COL14A1: variants seen among roughly 807,000 people sequenced by gnomAD.
COL14A1 encodes collagen type XIV alpha 1 chain.
A neutral mutation model predicts 230.3 loss-of-function variants in COL14A1; 136 were observed. The observed-to-expected ratio is 0.59, with a 90% CI of 0.51 to 0.68. The LOEUF is 0.68. Among genes scored for constraint, COL14A1 ranks in the 30% least tolerant of loss-of-function variants. The pLI is 0.00. For synonymous variants in COL14A1, 792 were observed against 784.1 expected, an observed-to-expected ratio of 1.01 and a Z score of -0.17; for missense variants, 1,976 against 2,215.8, an observed-to-expected ratio of 0.89 and a Z score of 2.17.
intron 19 of COL14A1, chr8:120,231,899 A>G: frequency 6.5e-6 from 2 of 306,474 alleles, no homozygotes; most frequent in Non-Finnish European, 1.2e-5. Context: ...TCGAGCACCA[A>G]AGTTGGGTCA....
At chr8:120,345,687 C>A in intron 45 of COL14A1, 124 bp downstream of exon 45, 1 of 850,184 alleles carries the variant, frequency 1.2e-6, no homozygotes, top group South Asian at 3.5e-5. Flanking sequence ...TCTGCCCCAT[C>A]TATTCTTCAG....
Position 120,284,878 on chromosome 8 carries a change from A to G in COL14A1, c.3968-983A>G, listed in dbSNP as rs145061247. Among the ~76,000 whole-genome samples the G allele has an allele frequency of 7.2e-3, 1,089 of 152,232 alleles. 14 individuals carry two copies. The highest frequency in any genetic ancestry group is 0.024 in the African/African-American group (1,004 of 41,530). On this transcript the variant is annotated intron_variant, in intron 32 of 47. Coordinates refer to ENST00000297848, the MANE Select transcript of COL14A1 (RefSeq NM_021110.4). Reference sequence around the variant, plus strand: ...TGAATAATATGAATTATTCTCTCACAAGGTTAGTAATGCTTTGTATGCATA... The same window carrying G: ...TGAATAATATGAATTATTCTCTCACGAGGTTAGTAATGCTTTGTATGCATA...
chr8:120,371,242 A>T lies in COL14A1; in HGVS notation c.*11A>T, dbSNP rs1223297382. On this transcript the variant is annotated 3_prime_UTR_variant, in exon 48 of 48. Coordinates refer to ENST00000297848, the MANE Select transcript of COL14A1 (RefSeq NM_021110.4). ...GGCCCTGGAGTCTGATAGCCTCAGG[A>T]GAAATTTGAAGACCAACTGCAAGAA... 1.3e-6 allele frequency: 2 copies of T among 1,597,018 alleles called. No individual in the cohort carries two copies. The highest frequency in any genetic ancestry group is 1.7e-6 in the Non-Finnish European group (2 of 1,169,656).
chr8:120,303,806 A>G (rs1820784609), intron 36 of COL14A1, among the ~76,000 whole-genome samples: 1 of 152,186 alleles, frequency 6.6e-6, no homozygotes, highest in African/African-American at 2.4e-5. Context: ...TAGTTTCAAA[A>G]GGAATGTTAC....
intron 23 of COL14A1, among the ~76,000 whole-genome samples, chr8:120,259,388 C>T (rs986505069): frequency 6.6e-6 from 1 of 152,090 alleles, no homozygotes; most frequent in Non-Finnish European, 1.5e-5. Context: ...CAAATAAAGA[C>T]AGATTTTTTC....
chr8:120,279,106 C>T lies in COL14A1; in HGVS notation c.3481+528C>T, dbSNP rs189088690. Among the ~76,000 whole-genome samples, 373 of 144,142 alleles carry T rather than the reference C, an allele frequency of 2.6e-3. 2 individuals carry two copies. The highest frequency in any genetic ancestry group is 9.1e-3 in the African/African-American group (351 of 38,624). The allele number at this position is 144,142 out of a possible 152,430, so 94.6% of individuals were successfully genotyped here. A position where few individuals can be genotyped will look rare whatever the true frequency, so the allele number is the denominator to read the frequency against. The stretch of plus-strand genomic sequence containing the variant: ...ATAAGTGGGAGCTGAACAATGAGAA[C>T]ACATGGACACAGGGAGGGGAACATC... On this transcript the variant is annotated intron_variant, in intron 28 of 47. Coordinates refer to ENST00000297848, the MANE Select transcript of COL14A1 (RefSeq NM_021110.4).
chr8:120,166,910 GTGTGTGTGTGTGGTGGTGATGA>G (rs1376879287), intron 4 of COL14A1, among the ~76,000 whole-genome samples: 5 of 149,656 alleles, frequency 3.3e-5, no homozygotes, highest in African/African-American at 1.3e-4. Flanking sequence ...GTGTGTGTGT[GTGTGTGTGTGTGGTGGTGATGA>G]TGGTGGTGGT....
chr8:120,313,540 A>G (rs1367395610), intron 37 of COL14A1, among the ~76,000 whole-genome samples: 1 of 152,158 alleles, frequency 6.6e-6, no homozygotes, highest in Non-Finnish European at 1.5e-5. Context: ...GACAGTAGCG[A>G]AGACAGAGAG....
intron 1 of COL14A1, among the ~76,000 whole-genome samples, chr8:120,138,678 C>G (rs1814791583): frequency 6.6e-6 from 1 of 152,124 alleles, no homozygotes; most frequent in Non-Finnish European, 1.5e-5. Flanking sequence ...TCCTCCAGTA[C>G]TTTTTAAGTA....
chr8:120,240,898 G>A (rs1818589454), intron 19 of COL14A1, among the ~76,000 whole-genome samples: 1 of 152,064 alleles, frequency 6.6e-6, no homozygotes, highest in Non-Finnish European at 1.5e-5. Flanking sequence ...TATTTTGTAA[G>A]GATTGACTTT....
intron 3 of COL14A1, among the ~76,000 whole-genome samples, chr8:120,159,850 C>A (rs1481909120): frequency 6.6e-6 from 1 of 152,084 alleles, no homozygotes; most frequent in East Asian, 1.9e-4. Context: ...CGCCACCATG[C>A]CTGGCTAATT....
chr8:120,218,066 TATATATAAATATATA>T (rs1417527372), intron 14 of COL14A1, among the ~76,000 whole-genome samples: 4 of 140,964 alleles, frequency 2.8e-5, no homozygotes, highest in Non-Finnish European at 6.1e-5. Context: ...TTTATGTATC[TATATATAAATATATA>T]ATATATAAAT....
chr8:120,218,829 G>C (rs1273295120), intron 14 of COL14A1, among the ~76,000 whole-genome samples: 1 of 152,116 alleles, frequency 6.6e-6, no homozygotes, highest in Non-Finnish European at 1.5e-5. Flanking sequence ...CCAGGCAGGG[G>C]CTGCCAGATC....
chr8:120,255,160 T>G, intron 22 of COL14A1, 80 bp from the exon 23 acceptor site: 1 of 1,109,588 alleles, frequency 9.0e-7, no homozygotes, highest in South Asian at 1.3e-5. Context: ...ATGAAAATTT[T>G]TCCAGAAGTT....
intron 36 of COL14A1, among the ~76,000 whole-genome samples, chr8:120,303,938 G>C (rs1424217527): frequency 6.6e-6 from 1 of 152,072 alleles, no homozygotes; most frequent in African/African-American, 2.4e-5. Flanking sequence ...GGTCTGTTCA[G>C]GGAATCAATT....
chr8:120,368,078 A>T (rs750802242), intron 46 of COL14A1, among the ~76,000 whole-genome samples: 27 of 152,184 alleles, frequency 1.8e-4, no homozygotes, highest in Non-Finnish European at 3.5e-4. Flanking sequence ...ATTTAGAGAA[A>T]TACAGGGCTA....
chr8:120,366,798 A>T (rs531308171), intron 45 of COL14A1, among the ~76,000 whole-genome samples: 1 of 152,356 alleles, frequency 6.6e-6, no homozygotes, highest in Admixed American at 6.5e-5. Context: ...GGAAAATGTT[A>T]GACGTGTTCA....
rs573489324 is a variant in COL14A1, at chr8:120,126,423, C to T, written c.-38+1083C>T. On this transcript the variant is annotated intron_variant, in intron 1 of 47. Transcript: ENST00000297848. ...GCAGCTCTCACATGGGCCAGGATTT[C>T]CCCCCAAACATTGCTTCTCAGAGTC... is the stretch of plus-strand genomic sequence containing the variant. Among the ~76,000 whole-genome samples the T allele has an allele frequency of 2.5e-3, 381 of 152,282 alleles. 2 individuals are homozygous for T. Among genetic ancestry groups the T allele is most frequent in the African/African-American group, 7.8e-3 (322 of 41,546 alleles).
intron 40 of COL14A1, among the ~76,000 whole-genome samples, chr8:120,330,617 C>T (rs368549084): frequency 7.2e-5 from 11 of 152,144 alleles, no homozygotes; most frequent in East Asian, 1.9e-4. Context: ...ACTCTCATGA[C>T]GTGGGAATTA....
Sources: allele counts gnomAD v4.1 joint callset (sites outside exome capture counted in the v4.1 genomes callset), GRCh38; gene constraint gnomAD v4.1.1; transcripts MANE v1.5; gene names NCBI Gene and HGNC (gene_info 2026-07-23, HGNC 2026-07-21).